OSBP2: variants seen among roughly 807,000 people sequenced by gnomAD.
The protein encoded by OSBP2 is oxysterol-binding protein 2.
In OSBP2, 66 loss-of-function variants were observed where a neutral mutation model predicts 96.0. That is an observed-to-expected ratio of 0.69 (90% CI 0.56 to 0.84). The LOEUF is 0.84. Among genes scored for constraint, OSBP2 ranks in the 40% least tolerant of loss-of-function variants. The pLI is 0.00. For missense variants in OSBP2, 1,038 were observed against 1,222.7 expected, an observed-to-expected ratio of 0.85 and a Z score of 2.25; for synonymous variants, 525 against 520.9, an observed-to-expected ratio of 1.01 and a Z score of -0.11.
At chr22:30,791,889 G>C (rs2090680749) in intron 2 of OSBP2, among the ~76,000 whole-genome samples, 1 of 152,058 alleles carries the variant, frequency 6.6e-6, no homozygotes, top group Non-Finnish European at 1.5e-5. Flanking sequence ...CCACATCAGT[G>C]GGTATACAGA....
chr22:30,775,532 G>A (rs535879224), intron 2 of OSBP2, among the ~76,000 whole-genome samples: 1 of 151,830 alleles, frequency 6.6e-6, no homozygotes, highest in African/African-American at 2.4e-5. Flanking sequence ...CAAGAGAATC[G>A]CTTGAACCTG....
intron 2 of OSBP2, among the ~76,000 whole-genome samples, chr22:30,793,741 T>G (rs2090713978): frequency 6.6e-6 from 1 of 152,124 alleles, no homozygotes; most frequent in African/African-American, 2.4e-5. Flanking sequence ...ACACCTATAG[T>G]CCTAGTCATT....
chr22:30,796,253 G>C (rs2145833771), intron 2 of OSBP2, among the ~76,000 whole-genome samples: 1 of 152,228 alleles, frequency 6.6e-6, no homozygotes, highest in African/African-American at 2.4e-5. Flanking sequence ...GATCTCCTGG[G>C]CTGGATCGAC....
At chr22:30,783,206 G>A (rs2090543571) in intron 2 of OSBP2, among the ~76,000 whole-genome samples, 1 of 148,150 alleles carries the variant, frequency 6.7e-6, no homozygotes, top group Admixed American at 6.8e-5. Context: ...GCAGCTCACT[G>A]CAGACACAGG....
At chr22:30,701,072 G>A (rs1390036901) in intron 1 of OSBP2, among the ~76,000 whole-genome samples, 1 of 150,976 alleles carries the variant, frequency 6.6e-6, no homozygotes, top group East Asian at 2.0e-4. Context: ...TCCAGCCTGG[G>A]CAACAAGAGT....
chr22:30,858,170 C>T (rs1011271215), intron 2 of OSBP2, among the ~76,000 whole-genome samples: 22 of 146,252 alleles, frequency 1.5e-4, no homozygotes, highest in South Asian at 4.4e-4. Context: ...GACGGAGTCT[C>T]GCTCTGTCGC....
chr22:30,698,462 CAG>C (rs1419184350), intron 1 of OSBP2, among the ~76,000 whole-genome samples: 1 of 148,148 alleles, frequency 6.8e-6, no homozygotes, highest in East Asian at 2.0e-4. Context: ...TTTTTTGAGA[CAG>C]AGTCTTGCTC....
At chr22:30,803,783 G>C (rs1017233840) in intron 2 of OSBP2, among the ~76,000 whole-genome samples, 1 of 151,280 alleles carries the variant, frequency 6.6e-6, no homozygotes, top group Non-Finnish European at 1.5e-5. Flanking sequence ...GTGGATACTG[G>C]GCAGGCACTG....
intron 2 of OSBP2, among the ~76,000 whole-genome samples, chr22:30,787,565 C>T (rs2090610188): frequency 6.6e-6 from 1 of 151,938 alleles, no homozygotes; most frequent in Non-Finnish European, 1.5e-5. Flanking sequence ...CCCAGCGAAT[C>T]GGGAGGCTGA....
chr22:30,858,028 A>G (rs1311223843), intron 2 of OSBP2, among the ~76,000 whole-genome samples: 1 of 152,074 alleles, frequency 6.6e-6, no homozygotes, highest in African/African-American at 2.4e-5. Flanking sequence ...CGGGGGAAAG[A>G]GAGGATCTTT....
Position 30,888,332 on chromosome 22 carries a change from G to A in OSBP2, c.1410G>A (p.Lys470=), listed in dbSNP as rs1270959395. The change falls in exon 5 of 14, where the codon AAG becomes AAA. Residue 470 remains lysine, a synonymous_variant. Transcript: ENST00000332585. ...TSFITVITEA[K]EDSRKAEGST... ...TCATCACCGTGATCACCGAGGCCAA[G>A]GAAGACAGGTAAGGTGGCTGCAGCT... 1.9e-6 allele frequency: 3 copies of A among 1,608,174 alleles called. No individual in the cohort carries two copies. The highest frequency in any genetic ancestry group is 2.6e-6 in the Non-Finnish European group (3 of 1,174,686).
At chr22:30,699,831 A>G (rs2089128077) in intron 1 of OSBP2, among the ~76,000 whole-genome samples, 1 of 152,198 alleles carries the variant, frequency 6.6e-6, no homozygotes, top group Admixed American at 6.6e-5. Context: ...ATTATTAAGA[A>G]TTTTTAAAAA....
At chr22:30,862,383 C>T (rs186219621) in intron 2 of OSBP2, among the ~76,000 whole-genome samples, 26 of 152,282 alleles carry the variant, frequency 1.7e-4, no homozygotes, top group East Asian at 3.9e-4. Flanking sequence ...ACTAGGCTGT[C>T]GGTAAAGATC....
At chr22:30,895,306 T>C (rs942184267) in intron 12 of OSBP2, among the ~76,000 whole-genome samples, 2 of 151,882 alleles carry the variant, frequency 1.3e-5, no homozygotes, top group African/African-American at 4.8e-5. Flanking sequence ...TGAAGATAAA[T>C]TTCCCAAAGT....
intron 2 of OSBP2, among the ~76,000 whole-genome samples, chr22:30,743,659 C>G (rs2089967262): frequency 6.6e-6 from 1 of 152,184 alleles, no homozygotes; most frequent in African/African-American, 2.4e-5. Context: ...CTAGCTTCCT[C>G]TCCCTGGTTT....
chr22:30,846,345 C>T (rs146893734), intron 2 of OSBP2, among the ~76,000 whole-genome samples: 2,070 of 152,144 alleles, frequency 0.014, 21 homozygotes, highest in Non-Finnish European at 0.023. Flanking sequence ...CAGGGTCTCA[C>T]CATATTGGCC....
rs1269440588 is a variant in OSBP2 at position 30,741,305 on chromosome 22, G to A, written c.789G>A (p.Gln263=). 3 of 1,613,708 alleles carry A rather than the reference G, an allele frequency of 1.9e-6. No homozygotes were observed. Among genetic ancestry groups the A allele is most frequent in the Non-Finnish European group, 2.5e-6 (3 of 1,180,036 alleles). The change falls in exon 2 of 14, where the codon CAG becomes CAA. Residue 263 remains glutamine (Q), a synonymous_variant. Coordinates refer to ENST00000332585, the MANE Select transcript of OSBP2 (RefSeq NM_030758.4). ...AGGCCAGCTCAGAGGTGGACCGGCA[G>A]CAGTGGATCACCGCCCTGGAGCTGG... ...HLKASSEVDR[Q]QWITALELAK...
chr22:30,838,656 G>A (rs925495965), intron 2 of OSBP2, among the ~76,000 whole-genome samples: 1 of 151,930 alleles, frequency 6.6e-6, no homozygotes, highest in African/African-American at 2.4e-5. Context: ...CTAGTTTTCT[G>A]AGAGATTTTA....
intron 2 of OSBP2, among the ~76,000 whole-genome samples, chr22:30,820,982 G>T (rs2038259963): frequency 6.6e-6 from 1 of 152,192 alleles, no homozygotes; most frequent in Non-Finnish European, 1.5e-5. Context: ...ATTTGAAAAA[G>T]CTTTAAATTG....
Sources: gnomAD v4.1 joint callset for allele counts (sites outside exome capture counted in the v4.1 genomes callset) on GRCh38, gnomAD v4.1.1 for gene constraint, MANE v1.5 for transcripts, NCBI Gene and HGNC (gene_info 2026-07-23, HGNC 2026-07-21) for gene names.